PIWIL3: variants seen among roughly 807,000 people sequenced by gnomAD.
PIWIL3 encodes piwi like RNA-mediated gene silencing 3.
A neutral mutation model predicts 109.7 loss-of-function variants in PIWIL3; 101 were observed. The observed-to-expected ratio is 0.92, with a 90% CI of 0.78 to 1.09. The LOEUF (loss-of-function observed/expected upper bound fraction) is 1.09, where lower values mean the gene tolerates loss of function less well. PIWIL3 is among the 50% of genes least tolerant of loss of function. PIWIL3 has a pLI of 0.00. For missense variants in PIWIL3, 1,031 were observed against 1,072.6 expected, an observed-to-expected ratio of 0.96 and a Z score of 0.54; for synonymous variants, 373 against 376.4, an observed-to-expected ratio of 0.99 and a Z score of 0.10.
Position 24,719,578 on chromosome 22 carries a change from CG to C in PIWIL3, c.2515del (p.Arg839GlufsTer42), listed in dbSNP as rs1922536986. 6.3e-7 allele frequency: 1 copy of C among 1,591,738 alleles called. No individual in the cohort carries two copies. The stretch of plus-strand genomic sequence containing the variant: ...GGCATAGTGGCAAGGCGCTGGAACT[CG>C]GATGATGCCCTTTAGTAGGAAAAGA... ...HMYYNLPGII[R>X]VPAPCHYAHK... On this transcript the variant is annotated frameshift_variant, in exon 21 of 21. Transcript: ENST00000616349. LOFTEE classifies it low-confidence loss of function (END_TRUNC).
intron 1 of PIWIL3, among the ~76,000 whole-genome samples, chr22:24,764,487 T>A (rs1301627730): frequency 6.6e-6 from 1 of 152,224 alleles, no homozygotes; most frequent in Non-Finnish European, 1.5e-5. Flanking sequence ...TGGTAAGCAC[T>A]GATCTCTAGA....
Position 24,728,170 on chromosome 22 carries a change from A to G in PIWIL3, c.1905+7T>C, listed in dbSNP as rs1331869514. 6.2e-7 allele frequency: 1 copy of G among 1,613,634 alleles called. No individual in the cohort carries two copies. Among genetic ancestry groups the G allele is most frequent in the African/African-American group, 1.3e-5 (1 of 74,922 alleles). Reference sequence around the variant, plus strand: ...AAGTTAAACGAAGTCAGTGAAATACAACATACGTCTGTCTCCACCTTCCAG... The same window carrying G: ...AAGTTAAACGAAGTCAGTGAAATACGACATACGTCTGTCTCCACCTTCCAG... On this transcript the variant is annotated splice_region_variant and intron_variant, in intron 15 of 20. Coordinates refer to ENST00000616349, the MANE Select transcript of PIWIL3 (RefSeq NM_001255975.1).
chr22:24,759,106 C>A (rs796255827), intron 3 of PIWIL3, among the ~76,000 whole-genome samples: 1 of 152,196 alleles, frequency 6.6e-6, no homozygotes, highest in Non-Finnish European at 1.5e-5. Context: ...GTTGGCCAAT[C>A]TGGTCTTGAA....
chr22:24,720,496 C>G (rs192879038), intron 19 of PIWIL3, among the ~76,000 whole-genome samples: 94 of 152,202 alleles, frequency 6.2e-4, no homozygotes, highest in African/African-American at 2.1e-3. Flanking sequence ...TGGTCTCAAT[C>G]TCCTGACCTC....
At chr22:24,751,745 A>G (rs1397170829) in intron 8 of PIWIL3, among the ~76,000 whole-genome samples, 2 of 152,182 alleles carry the variant, frequency 1.3e-5, no homozygotes, top group Non-Finnish European at 2.9e-5. Flanking sequence ...TTCCCATTTT[A>G]GCCTAATCCA....
At chr22:24,771,175 C>T (rs1325734415) in intron 1 of PIWIL3, among the ~76,000 whole-genome samples, 1 of 151,936 alleles carries the variant, frequency 6.6e-6, no homozygotes, top group Non-Finnish European at 1.5e-5. Flanking sequence ...AAGAAAGTTA[C>T]TTTCCGGCCG....
At chr22:24,768,208 TTTTC>T (rs992235365) in intron 1 of PIWIL3, among the ~76,000 whole-genome samples, 1 of 152,042 alleles carries the variant, frequency 6.6e-6, no homozygotes, top group African/African-American at 2.4e-5. Context: ...TGTTTTCCCT[TTTTC>T]TTTTTTTGTT....
chr22:24,746,634 CA>C (rs35315202), intron 12 of PIWIL3, among the ~76,000 whole-genome samples: 16 of 142,876 alleles, frequency 1.1e-4, no homozygotes, highest in African/African-American at 1.8e-4. Context: ...CTAACGACTC[CA>C]AAAAAAAAAA....
intron 14 of PIWIL3, among the ~76,000 whole-genome samples, chr22:24,732,552 G>A (rs746350791): frequency 2.0e-5 from 3 of 152,156 alleles, no homozygotes; most frequent in East Asian, 1.9e-4. Flanking sequence ...GGCCGGGTGC[G>A]GTGGCTCACG....
intron 14 of PIWIL3, 36 bp from the exon 15 acceptor site, chr22:24,728,410 C>T (rs766116064): frequency 1.2e-6 from 2 of 1,612,456 alleles, no homozygotes; most frequent in Admixed American, 3.3e-5. Context: ...CCCTAAGATA[C>T]AACAACAGTG....
intron 14 of PIWIL3, among the ~76,000 whole-genome samples, chr22:24,732,411 T>C (rs151038333): frequency 2.8e-4 from 42 of 152,352 alleles, no homozygotes; most frequent in African/African-American, 9.6e-4. Flanking sequence ...TTTAAGGCGA[T>C]ACCTTAAGAA....
At position 24,762,402 on chromosome 22, in the gene PIWIL3, G is replaced by A. The variant is rs775215339; in HGVS notation, c.98C>T (p.Ala33Val). ...AAACAACGTTACAGGGCTCACTGTA[G>A]CTGATCCAGGTGCTCTGGGTCCCCC... is the stretch of plus-strand genomic sequence containing the variant. The part of the protein sequence containing the change: ...APGGPRAPGS[A>V]TTQEPPQLQS... Residue 33 changes from alanine to valine, a missense_variant, in exon 2 of 21, where the codon GCT (alanine) becomes GTT (valine). Physicochemically the swap from Ala to Val is moderately conservative, Grantham distance 64 (BLOSUM62 0). Coordinates refer to ENST00000616349, the MANE Select transcript of PIWIL3 (RefSeq NM_001255975.1). 1.7e-5 allele frequency: 28 copies of A among 1,613,112 alleles called. No homozygotes were observed. The highest frequency in any genetic ancestry group is 2.1e-5 in the Non-Finnish European group (25 of 1,179,630).
intron 12 of PIWIL3, among the ~76,000 whole-genome samples, chr22:24,745,257 T>C (rs543158313): frequency 6.6e-5 from 10 of 152,190 alleles, no homozygotes; most frequent in Non-Finnish European, 1.5e-4. Flanking sequence ...AGTGCCTACA[T>C]CAAAAGAGCA....
At position 24,758,499 on chromosome 22, in the gene PIWIL3, T is replaced by C. The variant is rs1601847943; in HGVS notation, c.224-460A>G. Among the ~76,000 whole-genome samples the C allele has an allele frequency of 2.6e-5, 4 of 152,366 alleles. 1 individual carries two copies. The highest frequency in any genetic ancestry group is 2.6e-4 in the Admixed American group (4 of 15,306). On this transcript the variant is annotated intron_variant, in intron 3 of 20. Coordinates refer to ENST00000616349, the MANE Select transcript of PIWIL3 (RefSeq NM_001255975.1). ...ATCACACTCACTATTTCAACTTACA[T>C]TCTAAGGTTCATATCGATGTAGCTA...
chr22:24,762,250 A>G lies in PIWIL3; in HGVS notation c.102+148T>C, dbSNP rs1448612928. 3 of 1,330,108 alleles carry G rather than the reference A, an allele frequency of 2.3e-6. No individual in the cohort carries two copies. In the Admixed American group the frequency reaches 1.0e-4, roughly 46 times the overall value. The allele number at this position is 1,330,108 out of a possible 1,614,324, so 82.4% of individuals were successfully genotyped here. A position where few individuals can be genotyped will look rare whatever the true frequency, so the allele number is the denominator to read the frequency against. ...GTAGATAAAGCCTCCCCATGCTGCC[A>G]TCTATACAGCCTGACTTTTCTTATG... On this transcript the variant is annotated intron_variant, in intron 2 of 20. Transcript: ENST00000616349.
At position 24,725,004 on chromosome 22, in the gene PIWIL3, G is replaced by A. The variant is rs762679294; in HGVS notation, c.2114C>T (p.Ser705Leu). The change falls in exon 18 of 21, where the codon TCG becomes TTG. Residue 705 changes from serine to leucine, a missense_variant. Ser to Leu is a moderately radical substitution (Grantham distance 145). Transcript: ENST00000616349. ...ATACACAATAACAGAATGTGGCATC[G>A]ATGATTCGTTTTTACACCAGACATC... The part of the protein sequence containing the change: ...ALDVWCKNES[S>L]MPHSVIVYRD... The A allele has an allele frequency of 6.4e-5, 103 of 1,614,042 alleles. No individual in the cohort carries two copies. Among genetic ancestry groups the A allele is most frequent in the Middle Eastern group, 3.3e-4 (2 of 6,082 alleles).
At chr22:24,746,303 A>G (rs2147688295) in intron 12 of PIWIL3, among the ~76,000 whole-genome samples, 1 of 152,356 alleles carries the variant, frequency 6.6e-6, no homozygotes, top group South Asian at 2.1e-4. Context: ...ATATATCCAC[A>G]GAATGAAGGA....
In PIWIL3 at chr22:24,722,908, A is replaced by T. The variant is rs540348656; in HGVS notation, c.2357+222T>A. Among the ~76,000 whole-genome samples the T allele has an allele frequency of 3.3e-5, 5 of 152,304 alleles. No homozygotes were observed. The South Asian group carries it at 8.3e-4, about 25-fold the overall frequency. On this transcript the variant is annotated intron_variant, in intron 19 of 20. Transcript: ENST00000616349. ...AGTTAAATCTTACGTGGTCACAGAC[A>T]TTTACAAAAGTTTGATGAAGAAACT... is the stretch of plus-strand genomic sequence containing the variant.
intron 13 of PIWIL3, 93 bp from the exon 14 acceptor site, chr22:24,734,249 A>T: frequency 6.6e-7 from 1 of 1,504,736 alleles, no homozygotes; most frequent in Non-Finnish European, 8.9e-7. Flanking sequence ...AAGACATGAT[A>T]AAATACCAAG....
Sources: allele counts gnomAD v4.1 joint callset (sites outside exome capture counted in the v4.1 genomes callset), GRCh38; gene constraint gnomAD v4.1.1; transcripts MANE v1.5; gene names NCBI Gene and HGNC (gene_info 2026-07-23, HGNC 2026-07-21).